DCC: variants seen among roughly 807,000 people sequenced by gnomAD.
DCC encodes DCC netrin 1 receptor, also known as netrin receptor DCC.
A neutral mutation model predicts 172.5 loss-of-function variants in DCC; 58 were observed. That is an observed-to-expected ratio of 0.34 (90% CI 0.27 to 0.42). The LOEUF is 0.42. DCC is among the 10% of genes least tolerant of loss of function. The pLI, the probability that DCC is intolerant of heterozygous loss-of-function variation, is 1.00. For synonymous variants in DCC, 709 were observed against 644.5 expected (o/e 1.10, Z -1.52); for missense variants, 1,740 against 1,791.0 (o/e 0.97, Z 0.51).
intron 12 of DCC, among the ~76,000 whole-genome samples, chr18:53,281,985 C>A (rs1170877709): frequency 2.0e-5 from 3 of 152,026 alleles, no homozygotes; most frequent in Non-Finnish European, 4.4e-5. Flanking sequence ...AAGACAAGCA[C>A]CCTTAGTTTA....
At chr18:53,089,587 CCAAAAAACAAAAAA>C (rs55836331) in intron 7 of DCC, among the ~76,000 whole-genome samples, 70 of 114,044 alleles carry the variant, frequency 6.1e-4, no homozygotes, top group South Asian at 2.5e-3. Context: ...AAAAAAAAAA[CCAAAAAACAAAAAA>C]CAAAAAACAA....
chr18:53,265,318 G>A (rs2056660573), intron 12 of DCC, among the ~76,000 whole-genome samples: 1 of 152,112 alleles, frequency 6.6e-6, no homozygotes, highest in African/African-American at 2.4e-5. Flanking sequence ...GACATTAGAG[G>A]AGAAAAGGTA....
At chr18:52,814,315 G>C (rs891581441) in intron 2 of DCC, among the ~76,000 whole-genome samples, 1 of 152,208 alleles carries the variant, frequency 6.6e-6, no homozygotes. Flanking sequence ...TGAGATACCA[G>C]TAGCCTGACT....
Position 52,750,357 on chromosome 18 carries a change from G to T in DCC, c.92-1697G>T, listed in dbSNP as rs145620076. Reference sequence around the variant, plus strand: ...AGAAGAACAGGATGTACTATAATTGGGTTGACTACACCAAAAGGATCTGTG... The same window carrying T: ...AGAAGAACAGGATGTACTATAATTGTGTTGACTACACCAAAAGGATCTGTG... On this transcript the variant is annotated intron_variant, in intron 1 of 28. Coordinates refer to ENST00000442544, the MANE Select transcript of DCC (RefSeq NM_005215.4). Among the ~76,000 whole-genome samples the T allele has an allele frequency of 1.5e-3, 234 of 152,234 alleles. No homozygotes were observed. In the East Asian group the frequency reaches 0.021, roughly 14 times the overall value.
intron 12 of DCC, among the ~76,000 whole-genome samples, chr18:53,246,979 A>G (rs2056372607): frequency 6.6e-6 from 1 of 152,058 alleles, no homozygotes; most frequent in Non-Finnish European, 1.5e-5. Flanking sequence ...GGTGGGAACC[A>G]AGGAACTTGA....
chr18:52,458,137 T>TGGTCAAACCTC (rs1179683228), intron 1 of DCC, among the ~76,000 whole-genome samples: 2 of 152,148 alleles, frequency 1.3e-5, no homozygotes, highest in African/African-American at 4.8e-5. Flanking sequence ...GACCAAACCT[T>TGGTCAAACCTC]GGTCAAACCT....
Position 53,279,832 on chromosome 18 carries a change from G to A in DCC, c.1912-25746G>A, listed in dbSNP as rs369161870. On this transcript the variant is annotated intron_variant, in intron 12 of 28. Transcript: ENST00000442544. ...CAAAATCCTGAGTGAACTAACGCAG[G>A]AACAGAAAACCAAATACTGTATATC... Among the ~76,000 whole-genome samples, 7 of 151,986 alleles carry A rather than the reference G, an allele frequency of 4.6e-5. No homozygotes were observed. In the East Asian group the frequency reaches 7.7e-4, roughly 17 times the overall value.
chr18:53,284,440 A>G (rs1215945553), intron 12 of DCC, among the ~76,000 whole-genome samples: 2 of 152,052 alleles, frequency 1.3e-5, no homozygotes, highest in African/African-American at 4.8e-5. Flanking sequence ...TTATGGTTTT[A>G]AAAATGGGGG....
chr18:53,091,026 G>C (rs953006353), intron 7 of DCC, among the ~76,000 whole-genome samples: 1 of 151,972 alleles, frequency 6.6e-6, no homozygotes, highest in Non-Finnish European at 1.5e-5. Context: ...TCCAGCATCA[G>C]TTCCAAATGC....
intron 12 of DCC, among the ~76,000 whole-genome samples, chr18:53,250,937 CT>C (rs1441174517): frequency 1.3e-5 from 2 of 151,922 alleles, no homozygotes; most frequent in Non-Finnish European, 2.9e-5. Flanking sequence ...CTATGCTGTT[CT>C]TTCCGAACAG....
At chr18:52,930,634 C>T (rs1011900701) in intron 5 of DCC, among the ~76,000 whole-genome samples, 2 of 151,954 alleles carry the variant, frequency 1.3e-5, no homozygotes, top group Non-Finnish European at 2.9e-5. Context: ...TATTTATATT[C>T]CTATTAAATT....
intron 2 of DCC, among the ~76,000 whole-genome samples, chr18:52,856,679 A>C (rs1392695228): frequency 6.6e-6 from 1 of 151,738 alleles, no homozygotes; most frequent in Non-Finnish European, 1.5e-5. Flanking sequence ...TGAATTCACT[A>C]CAACTTTTAA....
chr18:52,578,602 T>C (rs955076046), intron 1 of DCC, among the ~76,000 whole-genome samples: 7 of 152,322 alleles, frequency 4.6e-5, no homozygotes, highest in African/African-American at 1.4e-4. Flanking sequence ...TTTTTCACTT[T>C]CTTTCTTTCA....
chr18:53,009,134 G>T (rs1244810889), intron 5 of DCC, among the ~76,000 whole-genome samples: 1 of 151,722 alleles, frequency 6.6e-6, no homozygotes, highest in African/African-American at 2.4e-5. Flanking sequence ...GTGCTGGGAG[G>T]AATTTTATAT....
intron 7 of DCC, among the ~76,000 whole-genome samples, 187 bp downstream of exon 7, chr18:53,066,353 G>GTATGTATATATATATATGTATA (rs1202896480): frequency 1.1e-5 from 1 of 94,608 alleles, no homozygotes; most frequent in Non-Finnish European, 2.2e-5. Flanking sequence ...GTACATGTGT[G>GTATGTATATATATATATGTATA]TATATATATA....
At chr18:52,793,188 C>G (rs2037809618) in intron 2 of DCC, among the ~76,000 whole-genome samples, 1 of 152,284 alleles carries the variant, frequency 6.6e-6, no homozygotes, top group African/African-American at 2.4e-5. Flanking sequence ...TCACCCCACC[C>G]TAATCTTATG....
At chr18:53,512,007 GGGGCA>G (rs2046261776) in intron 27 of DCC, among the ~76,000 whole-genome samples, 1 of 152,162 alleles carries the variant, frequency 6.6e-6, no homozygotes, top group African/African-American at 2.4e-5. Context: ...TCCACCTCTG[GGGGCA>G]GGGCACAGAC....
rs928371660 is a variant in DCC, at chr18:53,234,344, G to A, written c.1911+18747G>A. 4.6e-5 allele frequency among the ~76,000 whole-genome samples: 7 copies of A among 152,054 alleles called. No individual in the cohort carries two copies. The South Asian group carries it at 8.3e-4, about 18-fold the overall frequency. ...CTCGGGAGGCTGAGCCAGGAGAATC[G>A]CTTGAACCCAGGAGGCAGAGGTTGC... On this transcript the variant is annotated intron_variant, in intron 12 of 28. Coordinates refer to ENST00000442544, the MANE Select transcript of DCC (RefSeq NM_005215.4).
intron 2 of DCC, among the ~76,000 whole-genome samples, chr18:52,875,220 A>T (rs1214745434): frequency 3.8e-5 from 5 of 131,508 alleles, no homozygotes. Context: ...AAAACACACA[A>T]CAGCGAAACT....
Sources: allele counts gnomAD v4.1 joint callset (sites outside exome capture counted in the v4.1 genomes callset), GRCh38; gene constraint gnomAD v4.1.1; transcripts MANE v1.5; gene names NCBI Gene and HGNC (gene_info 2026-07-23, HGNC 2026-07-21).